The following ALMS1 variants were observed in gnomAD, a reference collection of about 807,000 sequenced individuals.
ALMS1 encodes centrosome-associated protein ALMS1.
Under a neutral mutation model 352.2 loss-of-function variants are expected in ALMS1, and 271 were observed. The observed-to-expected ratio is 0.77, with a 90% CI of 0.70 to 0.85. ALMS1 has a LOEUF of 0.85. ALMS1 is among the 40% of genes least tolerant of loss of function. The pLI, the probability that ALMS1 is intolerant of heterozygous loss-of-function variation, is 0.00. For synonymous variants in ALMS1, 1,865 were observed against 1,761.2 expected, an observed-to-expected ratio of 1.06 and a Z score of -1.48; for missense variants, 5,445 against 4,870.7, an observed-to-expected ratio of 1.12 and a Z score of -3.51.
chr2:73,479,064 C>T (rs1672641352), intron 9 of ALMS1, among the ~76,000 whole-genome samples: 1 of 152,062 alleles, frequency 6.6e-6, no homozygotes, highest in Non-Finnish European at 1.5e-5. Flanking sequence ...ATATATGTGC[C>T]ACATTTTCTT....
At chr2:73,430,644 A>T (rs1285322611) in intron 6 of ALMS1, among the ~76,000 whole-genome samples, 1 of 152,088 alleles carries the variant, frequency 6.6e-6, no homozygotes, top group African/African-American at 2.4e-5. Flanking sequence ...TACCTTTCCT[A>T]TGTTTAGATA....
At chr2:73,512,039 C>T (rs1673463675) in intron 10 of ALMS1, among the ~76,000 whole-genome samples, 1 of 152,124 alleles carries the variant, frequency 6.6e-6, no homozygotes, top group Non-Finnish European at 1.5e-5. Flanking sequence ...TCCACATCCT[C>T]ATCAGCATTT....
At chr2:73,435,441 TATA>T (rs1255552513) in intron 7 of ALMS1, among the ~76,000 whole-genome samples, 1 of 152,156 alleles carries the variant, frequency 6.6e-6, no homozygotes, top group Non-Finnish European at 1.5e-5. Context: ...CTCTGGGGCT[TATA>T]ATATTTATCT....
At chr2:73,443,853 A>G (rs1311553060) in intron 7 of ALMS1, among the ~76,000 whole-genome samples, 2 of 152,118 alleles carry the variant, frequency 1.3e-5, no homozygotes, top group African/African-American at 4.8e-5. Flanking sequence ...TTCATTGACT[A>G]TATGTCAGTT....
intron 9 of ALMS1, among the ~76,000 whole-genome samples, chr2:73,476,382 G>A (rs1448318623): frequency 2.6e-5 from 4 of 151,950 alleles, no homozygotes; most frequent in Admixed American, 2.0e-4. Context: ...ATCTCTTCAA[G>A]GTCCTGCTTT....
At chr2:73,579,075 A>AT (rs3076389) in intron 16 of ALMS1, among the ~76,000 whole-genome samples, 4,633 of 129,836 alleles carry the variant, frequency 0.036, 176 homozygotes, top group Admixed American at 0.06. Context: ...TTTTTTATTT[A>AT]TTTTTTTTTT....
chr2:73,532,715 T>C (rs1337316751), intron 11 of ALMS1, among the ~76,000 whole-genome samples: 1 of 152,116 alleles, frequency 6.6e-6, no homozygotes, highest in African/African-American at 2.4e-5. Context: ...TACTTTGTAC[T>C]CTACCCCTCT....
chr2:73,511,550 C>A (rs1673452424), intron 10 of ALMS1, among the ~76,000 whole-genome samples: 2 of 152,274 alleles, frequency 1.3e-5, no homozygotes, highest in South Asian at 4.1e-4. Flanking sequence ...GTCGGAAATG[C>A]AGAAATCACC....
intron 13 of ALMS1, among the ~76,000 whole-genome samples, chr2:73,552,530 G>C (rs1180624947): frequency 1.3e-5 from 2 of 152,180 alleles, no homozygotes; most frequent in Non-Finnish European, 2.9e-5. Context: ...GAACTCACCA[G>C]CTTTACCTCA....
intron 17 of ALMS1, among the ~76,000 whole-genome samples, 188 bp downstream of exon 17, chr2:73,599,709 C>T (rs1330447622): frequency 3.3e-5 from 5 of 151,818 alleles, no homozygotes; most frequent in Non-Finnish European, 7.4e-5. Flanking sequence ...TGTAGGGAAG[C>T]GGGTTCCCTT....
intron 10 of ALMS1, among the ~76,000 whole-genome samples, chr2:73,510,701 A>T (rs1673431736): frequency 2.6e-5 from 4 of 152,168 alleles, no homozygotes; most frequent in Admixed American, 2.6e-4. Flanking sequence ...TCAGGGACCC[A>T]CTTGTGGAGG....
At chr2:73,416,185 AC>A (rs1671178374) in intron 2 of ALMS1, among the ~76,000 whole-genome samples, 1 of 152,200 alleles carries the variant, frequency 6.6e-6, no homozygotes, top group African/African-American at 2.4e-5. Context: ...TTGTTGGCTC[AC>A]TAACCTGTCC....
At position 73,544,506 on chromosome 2, in the gene ALMS1, A is replaced by C. The variant is rs1374156740; in HGVS notation, c.9908-5761A>C. On this transcript the variant is annotated intron_variant, in intron 12 of 22. Transcript: ENST00000613296. ...GTTGTCACATGTACCCTAAAACTTAAAGTATAGTAAAAAAATAAATAAATA... is the reference window on the plus strand; with the variant it reads ...GTTGTCACATGTACCCTAAAACTTACAGTATAGTAAAAAAATAAATAAATA... Among the ~76,000 whole-genome samples, 5 of 152,306 alleles carry C rather than the reference A, an allele frequency of 3.3e-5. No individual in the cohort carries two copies. In the South Asian group the frequency reaches 8.3e-4, roughly 25 times the overall value.
intron 14 of ALMS1, among the ~76,000 whole-genome samples, chr2:73,558,613 C>T (rs1674592526): frequency 6.6e-6 from 1 of 152,164 alleles, no homozygotes; most frequent in Admixed American, 6.5e-5. Context: ...AAGTTACTTT[C>T]CTGACACCAT....
chr2:73,596,049 G>A (rs1425806922), intron 16 of ALMS1, among the ~76,000 whole-genome samples: 1 of 152,118 alleles, frequency 6.6e-6, no homozygotes, highest in East Asian at 1.9e-4. Flanking sequence ...TGTATTTTTT[G>A]TAAGTAACTT....
Position 73,600,764 on chromosome 2 carries a change from T to G in ALMS1, c.11755T>G (p.Leu3919Val), listed in dbSNP as rs750372739. The G allele has an allele frequency of 6.2e-7, 1 of 1,614,120 alleles. No individual in the cohort carries two copies. The highest frequency in any genetic ancestry group is 8.5e-7 in the Non-Finnish European group (1 of 1,180,018). ...FPTPSSSEAK[L>V]EENSDVTSWS... Reference sequence around the variant, plus strand: ...AACTCCAAGTTCCAGCGAGGCTAAATTGGAAGAGAACAGTGATGTGACTTC... The same window carrying G: ...AACTCCAAGTTCCAGCGAGGCTAAAGTGGAAGAGAACAGTGATGTGACTTC... The change falls in exon 18 of 23, where the codon TTG becomes GTG. Residue 3919 changes from leucine (L) to valine (V), a missense_variant. Physicochemically the swap from Leu to Val is conservative, Grantham distance 32. Transcript: ENST00000613296.
chr2:73,400,077 ACAGGCATGTG>A (rs1670843726), intron 1 of ALMS1, among the ~76,000 whole-genome samples: 1 of 151,682 alleles, frequency 6.6e-6, no homozygotes, highest in African/African-American at 2.4e-5. Context: ...AACTGGGACC[ACAGGCATGTG>A]CCACCATACC....
chr2:73,492,382 A>G (rs1343111606), intron 10 of ALMS1, among the ~76,000 whole-genome samples: 1 of 152,192 alleles, frequency 6.6e-6, no homozygotes, highest in African/African-American at 2.4e-5. Flanking sequence ...TGATCCTATG[A>G]AGCAGGTGAT....
Position 73,449,704 on chromosome 2 carries a change from G to A in ALMS1, c.3177G>A (p.Leu1059=), listed in dbSNP as rs766133181. 30 of 1,613,926 alleles carry A rather than the reference G, an allele frequency of 1.9e-5. No individual in the cohort carries two copies. Among genetic ancestry groups the A allele is most frequent in the East Asian group, 2.2e-5 (1 of 44,866 alleles). ...CACAGAGGGAGAAGCCTAGTGTTTT[G>A]TACCCACAGGTGTTATCAGACAGTC... The part of the protein sequence containing the change: ...SYPQREKPSV[L]YPQVLSDSHL... The change falls in exon 8 of 23, where the codon TTG becomes TTA. Residue 1059 remains leucine (L), a synonymous_variant. Coordinates refer to ENST00000613296, the MANE Select transcript of ALMS1 (RefSeq NM_001378454.1).
Sources: allele counts gnomAD v4.1 joint callset (sites outside exome capture counted in the v4.1 genomes callset), GRCh38; gene constraint gnomAD v4.1.1; transcripts MANE v1.5; gene names NCBI Gene and HGNC (gene_info 2026-07-23, HGNC 2026-07-21).